The following MED13 variants were observed in gnomAD, a reference collection of about 807,000 sequenced individuals.
MED13 encodes mediator of RNA polymerase II transcription subunit 13.
A neutral mutation model predicts 225.2 loss-of-function variants in MED13; 23 were observed. That is an observed-to-expected ratio of 0.10 (90% CI 0.07 to 0.14). The LOEUF is 0.14. MED13 is among the 10% of genes least tolerant of loss of function. The pLI is 1.00. For synonymous variants in MED13, 942 were observed against 889.2 expected (o/e 1.06, Z -1.06); for missense variants, 2,197 against 2,594.5 (o/e 0.85, Z 3.33).
rs1354043595 is a variant in MED13 at position 62,021,360 on chromosome 17, C to T, written c.1283+8181G>A. Among the ~76,000 whole-genome samples, 11 of 147,552 alleles carry T rather than the reference C, an allele frequency of 7.5e-5. 2 individuals are homozygous for T. Among genetic ancestry groups the T allele is most frequent in the Middle Eastern group, 3.6e-3 (1 of 276 alleles). On this transcript the variant is annotated intron_variant, in intron 8 of 29. Coordinates refer to ENST00000397786, the MANE Select transcript of MED13 (RefSeq NM_005121.3). ...CTCCCGGACAGGGTGGCTGGCCGGGCGGGGGGCTGACCCCTCCCCACCTCC... is the reference window on the plus strand; with the variant it reads ...CTCCCGGACAGGGTGGCTGGCCGGGTGGGGGGCTGACCCCTCCCCACCTCC...
intron 17 of MED13, among the ~76,000 whole-genome samples, 154 bp from the exon 18 acceptor site, chr17:61,968,412 G>A (rs898282874): frequency 3.3e-5 from 5 of 152,182 alleles, no homozygotes; most frequent in African/African-American, 9.6e-5. Context: ...TGCAAGCTCC[G>A]CCTCCCGCGT....
intron 3 of MED13, among the ~76,000 whole-genome samples, chr17:62,037,551 C>T (rs2080814541): frequency 6.6e-6 from 1 of 150,980 alleles, no homozygotes; most frequent in African/African-American, 2.4e-5. Flanking sequence ...CCTGTAATCC[C>T]AGCTACTCAG....
At position 62,029,948 on chromosome 17, in the gene MED13, T is replaced by C. The variant is rs774995763; in HGVS notation, c.1075A>G (p.Ser359Gly). 1 of 1,613,918 alleles carries C rather than the reference T, an allele frequency of 6.2e-7. No individual in the cohort carries two copies. The highest frequency in any genetic ancestry group is 2.2e-5 in the East Asian group (1 of 44,878). Residue 359 changes from serine to glycine, a missense_variant, in exon 7 of 30, where the codon AGT (serine) becomes GGT (glycine). Physicochemically the swap from Ser to Gly is moderately conservative, Grantham distance 56. This residue lies in a region of MED13 where 884 missense variants were observed against 918.5 expected (regional missense o/e 0.96). Coordinates refer to ENST00000397786, the MANE Select transcript of MED13 (RefSeq NM_005121.3). ...SSVSDGFNSD[S>G]TSHHGGKIPR... ...ATTTTCCCACCATGGTGGCTAGTAC[T>C]ATCGGAGTTGAAGCCATCAGATACT...
At chr17:62,032,108 T>G (rs938035642) in intron 5 of MED13, among the ~76,000 whole-genome samples, 1 of 151,826 alleles carries the variant, frequency 6.6e-6, no homozygotes, top group Non-Finnish European at 1.5e-5. Context: ...TCACAACTGC[T>G]CTAGTAGTAA....
At chr17:62,062,453 C>T (rs1232303830) in intron 2 of MED13, among the ~76,000 whole-genome samples, 1 of 151,866 alleles carries the variant, frequency 6.6e-6, no homozygotes, top group East Asian at 1.9e-4. Flanking sequence ...AACAAGTTGG[C>T]ACTTTTCTCT....
chr17:62,059,301 G>C (rs183391505), intron 2 of MED13, among the ~76,000 whole-genome samples: 1 of 152,130 alleles, frequency 6.6e-6, no homozygotes, highest in Non-Finnish European at 1.5e-5. Context: ...CTGTATTTCT[G>C]TTACTGAATA....
At chr17:61,964,050 A>G (rs2080031382) in intron 20 of MED13, among the ~76,000 whole-genome samples, 1 of 152,188 alleles carries the variant, frequency 6.6e-6, no homozygotes, top group South Asian at 2.1e-4. Flanking sequence ...TGAGATTCAA[A>G]CCTCAGTACA....
At chr17:61,961,206 C>A in intron 22 of MED13, 116 bp from the exon 23 acceptor site, 1 of 932,698 alleles carries the variant, frequency 1.1e-6, no homozygotes, top group Non-Finnish European at 1.6e-6. Flanking sequence ...ACAGCTAAGC[C>A]AAAAATTGCA....
intron 17 of MED13, among the ~76,000 whole-genome samples, chr17:61,970,583 G>C (rs1350336749): frequency 6.8e-6 from 1 of 146,280 alleles, no homozygotes; most frequent in Non-Finnish European, 1.5e-5. Flanking sequence ...TCGTGAGGCT[G>C]ATGCATGAGA....
chr17:62,036,373 G>A (rs8068267), intron 3 of MED13, among the ~76,000 whole-genome samples: 11,016 of 152,140 alleles, frequency 0.072, 1,373 homozygotes, highest in African/African-American at 0.25. Context: ...TTCAGGTATG[G>A]CTGGGTATAC....
At chr17:62,046,771 G>A (rs2080901081) in intron 3 of MED13, among the ~76,000 whole-genome samples, 1 of 151,964 alleles carries the variant, frequency 6.6e-6, no homozygotes, top group African/African-American at 2.4e-5. Flanking sequence ...TGGCAGTTTG[G>A]GCTGCAATGA....
Position 62,035,541 on chromosome 17 carries a change from T to G in MED13, c.538A>C (p.Ile180Leu). ...AGGTATACAGGTTGATGTTGGTTAATTTCCACACTGGTACAAACATTGCTG... is the reference window on the plus strand; with the variant it reads ...AGGTATACAGGTTGATGTTGGTTAAGTTCCACACTGGTACAAACATTGCTG... ...GDSNVCTSVEINQHQPVYLLS... is the reference protein window; with the variant it reads ...GDSNVCTSVELNQHQPVYLLS... Residue 180 changes from isoleucine to leucine, a missense_variant, in exon 4 of 30, where the codon ATT becomes CTT. Transcript: ENST00000397786. The G allele has an allele frequency of 6.2e-7, 1 of 1,613,848 alleles. No individual in the cohort carries two copies. The highest frequency in any genetic ancestry group is 1.1e-5 in the South Asian group (1 of 91,066).
rs1213300486 is a variant in MED13 at position 62,035,758 on chromosome 17, CAA to C, written c.471-152_471-151del. ...GAAGAAAAAAAATCATGGATATGAG[CAA>C]AGACTTAGCTATAAGAAATGTTCTT... is the stretch of plus-strand genomic sequence containing the variant. On this transcript the variant is annotated intron_variant, in intron 3 of 29. Transcript: ENST00000397786. 7 of 670,860 alleles carry C rather than the reference CAA, an allele frequency of 1.0e-5. No homozygotes were observed. The Admixed American group carries it at 1.2e-4, about 12-fold the overall frequency. 41.6% of individuals were successfully genotyped at this position (670,860 alleles called of 1,614,324 possible).
intron 11 of MED13, among the ~76,000 whole-genome samples, chr17:61,988,723 C>A (rs542356310): frequency 8.6e-5 from 13 of 151,600 alleles, no homozygotes; most frequent in African/African-American, 3.1e-4. Flanking sequence ...CAATTTGTTT[C>A]CGAGTTTTTT....
chr17:62,050,023 ATT>A (rs1248328624), intron 3 of MED13, among the ~76,000 whole-genome samples: 3 of 151,930 alleles, frequency 2.0e-5, no homozygotes, highest in African/African-American at 4.8e-5. Flanking sequence ...ATAAACAAAT[ATT>A]GTTTTTACCA....
chr17:62,055,565 A>AT (rs1372313724), intron 2 of MED13, among the ~76,000 whole-genome samples: 1 of 151,924 alleles, frequency 6.6e-6, no homozygotes, highest in African/African-American at 2.4e-5. Flanking sequence ...GCTCATGCCT[A>AT]TAATCCCAGC....
chr17:61,957,869 C>T lies in MED13; in HGVS notation c.5481-1388G>A, dbSNP rs545402755. The stretch of plus-strand genomic sequence containing the variant: ...TTTGGCTGAGCAACAGTGGCTATTA[C>T]TTTTTTTTCTTTTGAGACGGAGTCT... On this transcript the variant is annotated intron_variant, in intron 23 of 29. Transcript: ENST00000397786. Among the ~76,000 whole-genome samples the T allele has an allele frequency of 2.3e-4, 35 of 151,880 alleles. 1 individual carries two copies. The highest frequency in any genetic ancestry group is 8.0e-4 in the African/African-American group (33 of 41,434).
chr17:62,027,399 C>G lies in MED13; in HGVS notation c.1283+2142G>C, dbSNP rs73336423. 2.9e-3 allele frequency among the ~76,000 whole-genome samples: 443 copies of G among 152,202 alleles called. 3 individuals carry two copies. The highest frequency in any genetic ancestry group is 0.01 in the African/African-American group (418 of 41,530). ...CTAGTCATATGCAGATGACTGAAATCGGACCCCTTCCTTAATACATAAACA... is the reference window on the plus strand; with the variant it reads ...CTAGTCATATGCAGATGACTGAAATGGGACCCCTTCCTTAATACATAAACA... On this transcript the variant is annotated intron_variant, in intron 8 of 29. Coordinates refer to ENST00000397786, the MANE Select transcript of MED13 (RefSeq NM_005121.3).
chr17:61,972,705 T>C (rs2080120654), intron 17 of MED13, 22 bp downstream of exon 17: 8 of 1,582,472 alleles, frequency 5.1e-6, no homozygotes, highest in Middle Eastern at 1.7e-4. Flanking sequence ...TTAGTCATTA[T>C]ATATCACTAT....
Sources: gnomAD v4.1 joint callset for allele counts (sites outside exome capture counted in the v4.1 genomes callset) on GRCh38, gnomAD v4.1.1 for gene constraint, gnomAD v4.1.1 regional missense constraint, MANE v1.5 for transcripts, NCBI Gene and HGNC (gene_info 2026-07-23, HGNC 2026-07-21) for gene names.